Variants in AGTPBP1 observed in about 807,000 individuals in gnomAD.
AGTPBP1 encodes ATP/GTP binding carboxypeptidase 1, also known as cytosolic carboxypeptidase 1.
In AGTPBP1, 70 loss-of-function variants were observed where a neutral mutation model predicts 143.9. The ratio of observed to expected loss-of-function variants is 0.49; its 90% CI spans 0.40 to 0.59. The LOEUF is 0.59. AGTPBP1 is among the 20% of genes least tolerant of loss of function. AGTPBP1 has a pLI of 0.00. For synonymous variants in AGTPBP1, 463 were observed against 500.2 expected (o/e 0.93, Z 0.99); for missense variants, 1,229 against 1,464.5 (o/e 0.84, Z 2.62).
the AGTPBP1 span, among the ~76,000 whole-genome samples, chr9:85,751,170 A>G: frequency 6.6e-6 from 1 of 152,170 alleles, no homozygotes; most frequent in Non-Finnish European, 1.5e-5. Flanking sequence ...CAGACAGAGG[A>G]CAATTGGGAA....
At position 85,698,788 on chromosome 9, in the gene AGTPBP1, G is replaced by A. The variant is rs371294530; in HGVS notation, c.33-5975C>T. 8.4e-3 allele frequency among the ~76,000 whole-genome samples: 1,201 copies of A among 143,620 alleles called. 12 individuals carry two copies. Among genetic ancestry groups the A allele is most frequent in the African/African-American group, 0.03 (1,155 of 38,102 alleles). The allele number at this position is 143,620 out of a possible 152,430, so 94.2% of individuals were successfully genotyped here. A position where few individuals can be genotyped will look rare whatever the true frequency, so the allele number is the denominator to read the frequency against. Reference sequence around the variant, plus strand: ...GCTCACTGCAAGCTCCGCCTCCTGGGTTCACGCCATTCTCCTGCCTCAGCC... The same window carrying A: ...GCTCACTGCAAGCTCCGCCTCCTGGATTCACGCCATTCTCCTGCCTCAGCC... On this transcript the variant is annotated intron_variant, in intron 2 of 25. Transcript: ENST00000357081.
chr9:85,691,646 C>T (rs546289055), intron 3 of AGTPBP1, among the ~76,000 whole-genome samples: 1 of 151,350 alleles, frequency 6.6e-6, no homozygotes, highest in South Asian at 2.1e-4. Flanking sequence ...TTTATTTGAC[C>T]TGTTCAGATA....
At chr9:85,593,580 T>C (rs1372544946) in intron 18 of AGTPBP1, among the ~76,000 whole-genome samples, 1 of 152,202 alleles carries the variant, frequency 6.6e-6, no homozygotes, top group Non-Finnish European at 1.5e-5. Context: ...GTAGTTAAGA[T>C]TGTCTTAAAC....
intron 2 of AGTPBP1, among the ~76,000 whole-genome samples, chr9:85,697,127 TTC>T (rs1211406634): frequency 6.6e-6 from 1 of 152,178 alleles, no homozygotes; most frequent in East Asian, 1.9e-4. Flanking sequence ...TACTATATAT[TTC>T]TGTGTGAACC....
chr9:85,762,870 A>G, the AGTPBP1 span, among the ~76,000 whole-genome samples: 1 of 149,420 alleles, frequency 6.7e-6, no homozygotes, highest in Non-Finnish European at 1.5e-5. Flanking sequence ...GTTTATACAT[A>G]TATATAGAAA....
intron 13 of AGTPBP1, among the ~76,000 whole-genome samples, chr9:85,639,367 G>GCACACACA (rs60915473): frequency 0.02 from 2,928 of 147,282 alleles, 39 homozygotes; most frequent in Non-Finnish European, 0.029. Context: ...GCGCGCACGC[G>GCACACACA]CACACACACA....
At chr9:85,599,455 C>T (rs1400100551) in intron 17 of AGTPBP1, among the ~76,000 whole-genome samples, 1 of 151,918 alleles carries the variant, frequency 6.6e-6, no homozygotes, top group African/African-American at 2.4e-5. Context: ...ATTTGGAAGC[C>T]TTCTATCACG....
chr9:85,635,161 A>G (rs1255691120), intron 13 of AGTPBP1, among the ~76,000 whole-genome samples: 2 of 152,242 alleles, frequency 1.3e-5, no homozygotes, highest in Admixed American at 1.3e-4. Flanking sequence ...ATACACATAC[A>G]TACATGAATC....
chr9:85,575,558 T>C, intron 24 of AGTPBP1, 83 bp from the exon 25 acceptor site: 1 of 1,126,924 alleles, frequency 8.9e-7, no homozygotes, highest in African/African-American at 1.6e-5. Context: ...ATAAAAAGAA[T>C]TTATAACTAT....
intron 17 of AGTPBP1, among the ~76,000 whole-genome samples, chr9:85,596,868 TC>T (rs1292470797): frequency 2.6e-5 from 4 of 152,070 alleles, no homozygotes; most frequent in Non-Finnish European, 5.9e-5. Context: ...TTTGCTTTCC[TC>T]CCCACCGTTC....
chr9:85,656,392 A>G (rs887144696), intron 10 of AGTPBP1, among the ~76,000 whole-genome samples: 3 of 152,182 alleles, frequency 2.0e-5, no homozygotes, highest in Non-Finnish European at 4.4e-5. Context: ...ATATCCATCA[A>G]TGTCTATACT....
rs555143041 is a variant in AGTPBP1, at chr9:85,549,387, C to T, written c.3504-2101G>A. On this transcript the variant is annotated intron_variant, in intron 25 of 25. Coordinates refer to ENST00000357081, the MANE Select transcript of AGTPBP1 (RefSeq NM_001330701.2). ...GGTAGCTGGGCAGGGAAGCACGCAT[C>T]GTTCAAGAGATCTATGGACAGCGGA... 3.3e-5 allele frequency among the ~76,000 whole-genome samples: 5 copies of T among 152,228 alleles called. No homozygotes were observed. The South Asian group carries it at 8.3e-4, about 25-fold the overall frequency.
At chr9:85,696,529 G>A (rs1028682120) in intron 2 of AGTPBP1, among the ~76,000 whole-genome samples, 2 of 151,954 alleles carry the variant, frequency 1.3e-5, no homozygotes, top group African/African-American at 2.4e-5. Flanking sequence ...TTAGCCAGGT[G>A]TAGTGGCGCA....
chr9:85,665,394 G>C (rs535289509), intron 8 of AGTPBP1, among the ~76,000 whole-genome samples: 18 of 152,310 alleles, frequency 1.2e-4, no homozygotes, highest in African/African-American at 4.3e-4. Flanking sequence ...CCAGGTTTCA[G>C]AGGGAGCATG....
At chr9:85,786,294 T>G in the AGTPBP1 span, 1 of 1,599,980 alleles carries the variant, frequency 6.3e-7, no homozygotes, top group Non-Finnish European at 8.6e-7. Flanking sequence ...CTCCAATTCA[T>G]AGTTCTTTAG....
At chr9:85,760,539 T>C in the AGTPBP1 span, among the ~76,000 whole-genome samples, 1 of 152,212 alleles carries the variant, frequency 6.6e-6, no homozygotes, top group Non-Finnish European at 1.5e-5. Context: ...TCTCAATAGA[T>C]GCAGAAAAGG....
chr9:85,616,587 T>C (rs909469383), intron 17 of AGTPBP1, among the ~76,000 whole-genome samples: 1 of 151,982 alleles, frequency 6.6e-6, no homozygotes, highest in Non-Finnish European at 1.5e-5. Context: ...CAGGAATAAA[T>C]ATGCCTTTAT....
intron 8 of AGTPBP1, among the ~76,000 whole-genome samples, chr9:85,664,900 G>A (rs758412424): frequency 5.3e-5 from 8 of 151,878 alleles, no homozygotes; most frequent in Non-Finnish European, 7.4e-5. Context: ...ACTTTTATTC[G>A]AGACTACCAT....
chr9:85,804,726 A>C, the AGTPBP1 span, among the ~76,000 whole-genome samples: 2 of 152,196 alleles, frequency 1.3e-5, no homozygotes, highest in Non-Finnish European at 2.9e-5. Context: ...TTAGTCCACT[A>C]CGACCTGATG....
Sources: gnomAD v4.1 joint callset for allele counts (sites outside exome capture counted in the v4.1 genomes callset) on GRCh38, gnomAD v4.1.1 for gene constraint, MANE v1.5 for transcripts, NCBI Gene and HGNC (gene_info 2026-07-23, HGNC 2026-07-21) for gene names.